Variants in KSR2 observed in about 807,000 individuals in gnomAD.
KSR2 encodes the protein kinase suppressor of ras 2.
In KSR2, 25 loss-of-function variants were observed where a neutral mutation model predicts 107.8. The ratio of observed to expected loss-of-function variants is 0.23; its 90% confidence interval spans 0.17 to 0.32. KSR2 has a LOEUF of 0.32. KSR2 is among the 10% of genes least tolerant of loss of function. The pLI is 1.00. For missense variants in KSR2, 887 were observed against 1,268.9 expected (o/e 0.70, Z 4.57); for synonymous variants, 480 against 507.0 (o/e 0.95, Z 0.71).
chr12:117,912,039 C>T (rs1316375670), intron 1 of KSR2, among the ~76,000 whole-genome samples: 2 of 152,132 alleles, frequency 1.3e-5, no homozygotes, highest in African/African-American at 2.4e-5. Context: ...AACATATCAC[C>T]GACTTGCATC....
chr12:117,788,983 C>T (rs1890170390), intron 3 of KSR2, among the ~76,000 whole-genome samples: 1 of 152,172 alleles, frequency 6.6e-6, no homozygotes, highest in Admixed American at 6.5e-5. Context: ...TAGGCTCCAC[C>T]CCTAAGTTTC....
intron 1 of KSR2, among the ~76,000 whole-genome samples, chr12:117,870,321 C>T (rs1005096848): frequency 2.6e-5 from 4 of 152,184 alleles, no homozygotes; most frequent in Admixed American, 1.3e-4. Flanking sequence ...ATATTCTCAG[C>T]CAGACGTGGT....
rs776656913 is a variant in KSR2 at position 117,455,026 on chromosome 12, C to CAGAGAGAGAGAG, written c.*12172_*12173insCTCTCTCTCTCT. 3 of 112,584 alleles carry CAGAGAGAGAGAG rather than the reference C, an allele frequency of 2.7e-5. No individual in the cohort carries two copies. Among genetic ancestry groups the CAGAGAGAGAGAG allele is most frequent in the African/African-American group, 1.1e-4 (3 of 27,558 alleles). The allele number at this position is 112,584 out of a possible 1,614,324, so 7.0% of individuals were successfully genotyped here. ...GCAGAGACAGAGACAGACACAGAGA[C>CAGAGAGAGAGAG]AGACAGACAGAGAGAGAGAGAGAGA... On this transcript the variant is annotated 3_prime_UTR_variant, in exon 20 of 20. Transcript: ENST00000339824.
chr12:117,479,404 A>G (rs1217330476), intron 16 of KSR2, among the ~76,000 whole-genome samples: 1 of 152,176 alleles, frequency 6.6e-6, no homozygotes, highest in Non-Finnish European at 1.5e-5. Context: ...ATTTGTTCTA[A>G]TTTAGGATTT....
At chr12:117,729,981 T>C (rs1264771450) in intron 4 of KSR2, among the ~76,000 whole-genome samples, 3 of 152,174 alleles carry the variant, frequency 2.0e-5, no homozygotes, top group African/African-American at 7.2e-5. Context: ...ACTTATTAGC[T>C]AGGATAGGAG....
intron 1 of KSR2, among the ~76,000 whole-genome samples, chr12:117,891,806 G>C (rs1894350964): frequency 6.6e-6 from 1 of 151,348 alleles, no homozygotes; most frequent in Admixed American, 6.6e-5. Context: ...GGGCAACACA[G>C]GGAGACCCTG....
rs1360858746 is a variant in KSR2, at chr12:117,968,652, G to C, written c.-397C>G. 1 of 195,390 alleles carries C rather than the reference G, an allele frequency of 5.1e-6. No individual in the cohort carries two copies. The highest frequency in any genetic ancestry group is 1.0e-5 in the Non-Finnish European group (1 of 99,218). The allele number at this position is 195,390 out of a possible 1,614,324, so 12.1% of individuals were successfully genotyped here. A position where few individuals can be genotyped will look rare whatever the true frequency, so the allele number is the denominator to read the frequency against. On this transcript the variant is annotated 5_prime_UTR_variant, in exon 1 of 20. Coordinates refer to ENST00000339824, the MANE Select transcript of KSR2 (RefSeq NM_173598.6). The stretch of plus-strand genomic sequence containing the variant: ...AGGAGGGAGAGGAGGAGGAGGGAGA[G>C]GAGGAGGAGGAGAAGGAAAATAGCG...
At chr12:117,526,362 T>C (rs769191946) in intron 13 of KSR2, among the ~76,000 whole-genome samples, 24 of 152,306 alleles carry the variant, frequency 1.6e-4, no homozygotes, top group East Asian at 1.2e-3. Context: ...CCAGCGGGGA[T>C]TCCCAGAGAC....
chr12:117,947,164 T>A (rs1896203422), intron 1 of KSR2, among the ~76,000 whole-genome samples: 1 of 86,522 alleles, frequency 1.2e-5, no homozygotes, highest in Admixed American at 1.6e-4. Context: ...CTACACTCTG[T>A]CAAAAGAAAG....
chr12:117,696,974 C>T (rs1272874677), intron 4 of KSR2, among the ~76,000 whole-genome samples: 1 of 152,206 alleles, frequency 6.6e-6, no homozygotes, highest in East Asian at 1.9e-4. Context: ...AATTTGTGCA[C>T]TGGGGTGGAC....
At chr12:117,599,019 A>G (rs1880796836) in intron 5 of KSR2, among the ~76,000 whole-genome samples, 1 of 152,206 alleles carries the variant, frequency 6.6e-6, no homozygotes, top group Non-Finnish European at 1.5e-5. Context: ...CCAGAAAAAA[A>G]CAAAGGCATG....
intron 13 of KSR2, 88 bp downstream of exon 13, chr12:117,526,983 C>T: frequency 9.3e-7 from 1 of 1,070,266 alleles, no homozygotes. Flanking sequence ...TGACCCCAAG[C>T]CCTCTGCGTC....
At chr12:117,666,572 A>C (rs1884668866) in intron 5 of KSR2, among the ~76,000 whole-genome samples, 1 of 152,208 alleles carries the variant, frequency 6.6e-6, no homozygotes, top group Admixed American at 6.5e-5. Context: ...CATCTGCATG[A>C]GGGATTGTTT....
intron 4 of KSR2, among the ~76,000 whole-genome samples, chr12:117,756,482 AT>A (rs373262062): frequency 6.6e-6 from 1 of 152,242 alleles, no homozygotes; most frequent in African/African-American, 2.4e-5. Flanking sequence ...GGTTTGCTGA[AT>A]ATTTTAAGCC....
At chr12:117,793,874 C>A (rs1375980341) in intron 3 of KSR2, among the ~76,000 whole-genome samples, 1 of 141,636 alleles carries the variant, frequency 7.1e-6, no homozygotes, top group Non-Finnish European at 1.6e-5. Flanking sequence ...CACCAATATG[C>A]ACACATACAA....
At chr12:117,646,269 T>C in intron 5 of KSR2, among the ~76,000 whole-genome samples, 1 of 152,154 alleles carries the variant, frequency 6.6e-6, no homozygotes, top group South Asian at 2.1e-4. Flanking sequence ...GCTATTGTCT[T>C]GCAAAGCTGA....
At chr12:117,667,134 G>A (rs2136483212) in intron 5 of KSR2, among the ~76,000 whole-genome samples, 2 of 152,324 alleles carry the variant, frequency 1.3e-5, no homozygotes, top group South Asian at 4.1e-4. Context: ...CGGGAAGAGG[G>A]AGAGAGAGGG....
At chr12:117,853,095 G>A (rs557638806) in intron 3 of KSR2, among the ~76,000 whole-genome samples, 19 of 152,222 alleles carry the variant, frequency 1.2e-4, no homozygotes, top group African/African-American at 3.6e-4. Context: ...GAGCCACCAC[G>A]TCCGGCCAAA....
At chr12:117,840,109 T>A (rs559157422) in intron 3 of KSR2, among the ~76,000 whole-genome samples, 1,588 of 151,668 alleles carry the variant, frequency 0.01, 32 homozygotes, top group African/African-American at 0.037. Flanking sequence ...TATTTTATTT[T>A]TTTTTTTGAG....
Sources: allele counts gnomAD v4.1 joint callset (sites outside exome capture counted in the v4.1 genomes callset), GRCh38; gene constraint gnomAD v4.1.1; transcripts MANE v1.5; gene names NCBI Gene and HGNC (gene_info 2026-07-23, HGNC 2026-07-21).